The following GAREM1 variants were observed in gnomAD, a reference collection of about 807,000 sequenced individuals.
The protein encoded by GAREM1 is GRB2-associated and regulator of MAPK protein 1.
In GAREM1, 26 loss-of-function variants were observed where a neutral mutation model predicts 71.3. The ratio of observed to expected loss-of-function variants is 0.36; its 90% CI spans 0.27 to 0.51. The LOEUF is 0.51. GAREM1 is among the 20% of genes least tolerant of loss of function. GAREM1 has a pLI of 0.95. For synonymous variants in GAREM1, 440 were observed against 433.2 expected, an observed-to-expected ratio of 1.02 and a Z score of -0.20; for missense variants, 1,026 against 1,103.1, an observed-to-expected ratio of 0.93 and a Z score of 0.99.
chr18:32,293,367 G>T (rs963643366), intron 3 of GAREM1, among the ~76,000 whole-genome samples: 10 of 152,184 alleles, frequency 6.6e-5, no homozygotes, highest in African/African-American at 2.4e-4. Context: ...ATGCCAAAAA[G>T]ACACAAGAAC....
chr18:32,289,880 GTTTTC>G (rs1338954973), intron 3 of GAREM1, among the ~76,000 whole-genome samples: 1 of 152,112 alleles, frequency 6.6e-6, no homozygotes, highest in Admixed American at 6.5e-5. Context: ...AATTACCAGT[GTTTTC>G]TTTTAATACT....
intron 1 of GAREM1, among the ~76,000 whole-genome samples, chr18:32,458,933 C>A (rs2048926332): frequency 6.6e-6 from 1 of 151,758 alleles, no homozygotes; most frequent in South Asian, 2.1e-4. Context: ...TCCAGGAACC[C>A]AAAATAATAA....
chr18:32,315,819 A>G (rs1322654414), intron 2 of GAREM1, among the ~76,000 whole-genome samples: 1 of 152,226 alleles, frequency 6.6e-6, no homozygotes, highest in East Asian at 1.9e-4. Flanking sequence ...TTCTGATGAA[A>G]TAAGAAGAGC....
intron 2 of GAREM1, among the ~76,000 whole-genome samples, chr18:32,378,845 T>C (rs956111975): frequency 1.8e-4 from 28 of 152,206 alleles, no homozygotes; most frequent in African/African-American, 6.8e-4. Context: ...CCACTTTACT[T>C]ATGCAATTTG....
intron 4 of GAREM1, among the ~76,000 whole-genome samples, chr18:32,280,063 C>A (rs1199786949): frequency 6.6e-6 from 1 of 152,142 alleles, no homozygotes; most frequent in Admixed American, 6.5e-5. Context: ...ACCTCATTAA[C>A]TAGTGGAATC....
intron 2 of GAREM1, among the ~76,000 whole-genome samples, chr18:32,381,865 T>C (rs574457568): frequency 1.3e-5 from 2 of 152,294 alleles, no homozygotes; most frequent in South Asian, 2.1e-4. Flanking sequence ...TCAGGAATGG[T>C]GCCTGGTACT....
At chr18:32,362,462 C>T (rs144047629) in intron 2 of GAREM1, among the ~76,000 whole-genome samples, 20 of 152,160 alleles carry the variant, frequency 1.3e-4, no homozygotes, top group African/African-American at 3.6e-4. Context: ...TATATGTAGC[C>T]GGTCAATAAT....
intron 4 of GAREM1, among the ~76,000 whole-genome samples, chr18:32,285,448 T>A (rs2047003802): frequency 6.6e-6 from 1 of 152,172 alleles, no homozygotes; most frequent in African/African-American, 2.4e-5. Flanking sequence ...CCAGCCCTAT[T>A]CAACTGCCCC....
intron 1 of GAREM1, among the ~76,000 whole-genome samples, chr18:32,446,488 G>A (rs1257014822): frequency 6.6e-6 from 1 of 152,110 alleles, no homozygotes; most frequent in African/African-American, 2.4e-5. Context: ...ATGCAAGCTG[G>A]ACTATCCTGA....
At position 32,392,907 on chromosome 18, in the gene GAREM1, CCGGAATCT is replaced by C. The variant is rs1307053634; in HGVS notation, c.242_249del (p.Glu81GlyfsTer31). 6.2e-7 allele frequency: 1 copy of C among 1,613,722 alleles called. No individual in the cohort carries two copies. Among genetic ancestry groups the C allele is most frequent in the South Asian group, 1.1e-5 (1 of 91,058 alleles). Reference sequence around the variant, plus strand: ...GGAGGAGTCTTACCTGCATAATGTACCGGAATCTCTATCTTTGGCCCAATGACATAGTG... The same window carrying C: ...GGAGGAGTCTTACCTGCATAATGTACCTATCTTTGGCCCAATGACATAGTG... On this transcript the variant is annotated frameshift_variant, in exon 2 of 6. Coordinates refer to ENST00000269209, the MANE Select transcript of GAREM1 (RefSeq NM_001242409.2). LOFTEE classifies it high-confidence loss of function.
chr18:32,326,869 T>C (rs2047479343), intron 2 of GAREM1, among the ~76,000 whole-genome samples: 1 of 152,224 alleles, frequency 6.6e-6, no homozygotes, highest in Non-Finnish European at 1.5e-5. Context: ...GTAGGATGGT[T>C]GCTCAGTAAA....
intron 2 of GAREM1, among the ~76,000 whole-genome samples, chr18:32,315,548 T>G (rs1315082813): frequency 6.7e-6 from 1 of 149,034 alleles, no homozygotes; most frequent in East Asian, 1.9e-4. Context: ...TATATATATA[T>G]ATACTTTTGC....
intron 1 of GAREM1, among the ~76,000 whole-genome samples, chr18:32,404,225 T>C (rs2048344946): frequency 6.6e-6 from 1 of 152,208 alleles, no homozygotes; most frequent in South Asian, 2.1e-4. Context: ...TGTAAGTAGT[T>C]ATGTAACATC....
chr18:32,455,189 T>C (rs28583899), intron 1 of GAREM1, among the ~76,000 whole-genome samples: 31,473 of 152,040 alleles, frequency 0.21, 3,726 homozygotes, highest in African/African-American at 0.32. Flanking sequence ...ATGTAAGATT[T>C]ACATTGCCCT....
At chr18:32,286,653 G>A (rs943021215) in intron 4 of GAREM1, among the ~76,000 whole-genome samples, 7 of 152,192 alleles carry the variant, frequency 4.6e-5, no homozygotes, top group East Asian at 1.9e-4. Context: ...TGAAGCAGCC[G>A]TCTCTCTCTG....
At chr18:32,307,348 T>C (rs575749716) in intron 3 of GAREM1, among the ~76,000 whole-genome samples, 2 of 152,356 alleles carry the variant, frequency 1.3e-5, no homozygotes, top group East Asian at 3.9e-4. Flanking sequence ...TGAAATCTTC[T>C]AAGAAGGTTT....
intron 2 of GAREM1, among the ~76,000 whole-genome samples, chr18:32,359,014 T>A (rs2047834705): frequency 1.3e-5 from 2 of 152,230 alleles, no homozygotes; most frequent in African/African-American, 4.8e-5. Context: ...GAAGAACCCG[T>A]CAGCCATCCT....
intron 1 of GAREM1, among the ~76,000 whole-genome samples, chr18:32,436,832 C>G (rs2048684314): frequency 6.6e-6 from 1 of 152,122 alleles, no homozygotes; most frequent in South Asian, 2.1e-4. Flanking sequence ...ATTTTGAAGA[C>G]AGAGAAACAG....
At chr18:32,341,016 A>C (rs1294688822) in intron 2 of GAREM1, among the ~76,000 whole-genome samples, 1 of 152,196 alleles carries the variant, frequency 6.6e-6, no homozygotes, top group Non-Finnish European at 1.5e-5. Context: ...TCTAGGGTAC[A>C]TGTGCACAAT....
Sources: gnomAD v4.1 joint callset for allele counts (sites outside exome capture counted in the v4.1 genomes callset) on GRCh38, gnomAD v4.1.1 for gene constraint, MANE v1.5 for transcripts, NCBI Gene and HGNC (gene_info 2026-07-23, HGNC 2026-07-21) for gene names.